The following ATRNL1 variants were observed in gnomAD, a reference collection of about 807,000 sequenced individuals.
The protein encoded by ATRNL1 is attractin-like protein 1.
Under a neutral mutation model 182.7 loss-of-function variants are expected in ATRNL1, and 95 were observed. That is an observed-to-expected ratio of 0.52 (90% CI 0.44 to 0.62). ATRNL1 has a LOEUF of 0.62. Ranked by LOEUF, ATRNL1 falls within the 20% of genes least tolerant of loss-of-function variation. The probability of loss-of-function intolerance (pLI) is 0.00; values close to 1 mark genes in which losing one functional copy is unlikely to be tolerated. For synonymous variants in ATRNL1, 576 were observed against 568.3 expected (o/e 1.01, Z -0.19); for missense variants, 1,471 against 1,679.5 (o/e 0.88, Z 2.17).
chr10:115,601,418 AT>A (rs1856588501), intron 26 of ATRNL1, among the ~76,000 whole-genome samples: 1 of 152,194 alleles, frequency 6.6e-6, no homozygotes, highest in African/African-American at 2.4e-5. Flanking sequence ...CATGTCTTCT[AT>A]ATTCCGGCTT....
intron 20 of ATRNL1, among the ~76,000 whole-genome samples, chr10:115,397,120 G>A (rs1474813268): frequency 6.6e-6 from 1 of 151,664 alleles, no homozygotes; most frequent in African/African-American, 2.4e-5. Flanking sequence ...GCTATAATCT[G>A]CTTATACCTG....
intron 28 of ATRNL1, among the ~76,000 whole-genome samples, chr10:115,863,382 A>G (rs1354173281): frequency 1.3e-5 from 2 of 152,214 alleles, no homozygotes; most frequent in Non-Finnish European, 2.9e-5. Context: ...AAATATATAT[A>G]TGAATGTACT....
At chr10:115,461,470 T>C (rs575091956) in intron 21 of ATRNL1, among the ~76,000 whole-genome samples, 1 of 152,142 alleles carries the variant, frequency 6.6e-6, no homozygotes, top group South Asian at 2.1e-4. Context: ...ATAAATACAT[T>C]ATATGAGAAA....
chr10:115,159,992 T>C (rs1846700971), intron 5 of ATRNL1, 48 bp from the exon 6 acceptor site: 1 of 1,386,000 alleles, frequency 7.2e-7, no homozygotes, highest in South Asian at 1.5e-5. Context: ...TTCTATAATC[T>C]GAGGGCTTTG....
At chr10:115,478,759 T>C (rs1848637760) in intron 24 of ATRNL1, among the ~76,000 whole-genome samples, 1 of 151,716 alleles carries the variant, frequency 6.6e-6, no homozygotes, top group African/African-American at 2.4e-5. Flanking sequence ...TGGAAAGTTA[T>C]TTAAAGTATA....
intron 12 of ATRNL1, among the ~76,000 whole-genome samples, chr10:115,267,783 T>G (rs1592352288): frequency 6.6e-6 from 1 of 152,214 alleles, no homozygotes; most frequent in East Asian, 1.9e-4. Context: ...TTATTTTAGT[T>G]TATTTTTTGA....
intron 26 of ATRNL1, among the ~76,000 whole-genome samples, chr10:115,722,824 G>T (rs1947472028): frequency 6.6e-6 from 1 of 151,948 alleles, no homozygotes. Context: ...ATCTGATATT[G>T]ATTTGCAAGA....
intron 28 of ATRNL1, among the ~76,000 whole-genome samples, chr10:115,906,319 A>G (rs1164539551): frequency 2.0e-5 from 3 of 152,206 alleles, no homozygotes; most frequent in Admixed American, 1.3e-4. Flanking sequence ...TGAGAATTTG[A>G]TCTGGATTCA....
chr10:115,692,060 C>T (rs1946411050), intron 26 of ATRNL1, among the ~76,000 whole-genome samples: 1 of 152,130 alleles, frequency 6.6e-6, no homozygotes, highest in Non-Finnish European at 1.5e-5. Context: ...AAATTCTTAA[C>T]TTCACCAATG....
intron 27 of ATRNL1, among the ~76,000 whole-genome samples, chr10:115,794,438 A>G (rs1379466375): frequency 6.6e-6 from 1 of 152,204 alleles, no homozygotes; most frequent in Non-Finnish European, 1.5e-5. Flanking sequence ...TTTTCCATTT[A>G]CAGCAAAATT....
intron 19 of ATRNL1, among the ~76,000 whole-genome samples, chr10:115,344,602 G>T (rs1009695657): frequency 1.3e-5 from 2 of 152,182 alleles, no homozygotes. Flanking sequence ...GGGATCCCAA[G>T]ACCCCACTTG....
chr10:115,809,073 G>A (rs12784459), intron 27 of ATRNL1, among the ~76,000 whole-genome samples: 75,000 of 151,452 alleles, frequency 0.5, 19,450 homozygotes, highest in East Asian at 0.75. Flanking sequence ...TAAGAATACC[G>A]AATTGTTCCA....
chr10:115,528,021 C>T (rs1484764237), intron 25 of ATRNL1, among the ~76,000 whole-genome samples: 1 of 60,484 alleles, frequency 1.7e-5, no homozygotes, highest in African/African-American at 7.4e-5. Context: ...TTCCTTCCTT[C>T]CTTCCCTCCT....
intron 28 of ATRNL1, among the ~76,000 whole-genome samples, chr10:115,875,157 G>A (rs536312304): frequency 3.3e-4 from 51 of 152,310 alleles, no homozygotes; most frequent in African/African-American, 1.2e-3. Flanking sequence ...GTGCATCTCA[G>A]CATTCTACAT....
intron 8 of ATRNL1, among the ~76,000 whole-genome samples, chr10:115,187,015 T>C (rs1554888873): frequency 1.3e-5 from 2 of 152,032 alleles, no homozygotes; most frequent in East Asian, 3.9e-4. Flanking sequence ...GAAAACATGC[T>C]CAATATTACT....
At chr10:115,382,925 A>C (rs782435935) in intron 19 of ATRNL1, among the ~76,000 whole-genome samples, 1 of 151,890 alleles carries the variant, frequency 6.6e-6, no homozygotes, top group Non-Finnish European at 1.5e-5. Context: ...CATAAATGTA[A>C]TGGTTTGTTT....
intron 26 of ATRNL1, among the ~76,000 whole-genome samples, chr10:115,601,957 T>C (rs1341711686): frequency 1.3e-5 from 2 of 152,100 alleles, no homozygotes; most frequent in African/African-American, 2.4e-5. Flanking sequence ...TTCAGGCTAA[T>C]TGAGTACTTT....
intron 10 of ATRNL1, among the ~76,000 whole-genome samples, chr10:115,255,309 G>C (rs1326846892): frequency 6.6e-6 from 1 of 151,876 alleles, no homozygotes; most frequent in Non-Finnish European, 1.5e-5. Flanking sequence ...CTTTTATTTC[G>C]TTGAGCTGTG....
intron 8 of ATRNL1, among the ~76,000 whole-genome samples, chr10:115,175,211 G>A (rs1847454070): frequency 6.6e-6 from 1 of 151,950 alleles, no homozygotes; most frequent in South Asian, 2.1e-4. Flanking sequence ...TATTTCGTGT[G>A]CTTCATCGTT....
Sources: gnomAD v4.1 joint callset for allele counts (sites outside exome capture counted in the v4.1 genomes callset) on GRCh38, gnomAD v4.1.1 for gene constraint, MANE v1.5 for transcripts, NCBI Gene and HGNC (gene_info 2026-07-23, HGNC 2026-07-21) for gene names.